GTF2IRD1: variants seen among roughly 807,000 people sequenced by gnomAD.
The protein encoded by GTF2IRD1 is general transcription factor II-I repeat domain-containing protein 1.
In GTF2IRD1, 26 loss-of-function variants were observed where a neutral mutation model predicts 113.2. That is an observed-to-expected ratio of 0.23 (90% CI 0.17 to 0.32). The LOEUF is 0.32. Among genes scored for constraint, GTF2IRD1 ranks in the 10% least tolerant of loss-of-function variants. The pLI is 1.00. For missense variants in GTF2IRD1, 864 were observed against 1,280.8 expected (o/e 0.67, Z 4.97); for synonymous variants, 484 against 529.1 (o/e 0.91, Z 1.17).
At chr7:74,578,987 A>C (rs1801249293) in intron 22 of GTF2IRD1, among the ~76,000 whole-genome samples, 1 of 138,862 alleles carries the variant, frequency 7.2e-6, no homozygotes, top group Non-Finnish European at 1.6e-5. Flanking sequence ...ATCCTGTCTC[A>C]AAAAAAAAAA....
intron 20 of GTF2IRD1, among the ~76,000 whole-genome samples, chr7:74,558,621 TC>T (rs1799760419): frequency 6.6e-6 from 1 of 152,042 alleles, no homozygotes; most frequent in Non-Finnish European, 1.5e-5. Flanking sequence ...CTGCCTTGGT[TC>T]CCCAAAATGC....
chr7:74,601,425 C>T, intron 26 of GTF2IRD1: 1 of 1,471,904 alleles, frequency 6.8e-7, no homozygotes, highest in Non-Finnish European at 9.0e-7. Context: ...GGCAGATGGG[C>T]CGGCTGAGGT....
chr7:74,594,153 C>T (rs1802255909), intron 24 of GTF2IRD1, among the ~76,000 whole-genome samples: 1 of 149,358 alleles, frequency 6.7e-6, no homozygotes. Context: ...GAGCTGAGAC[C>T]ATGCCACAGC....
At chr7:74,598,001 T>C (rs1802525187) in intron 25 of GTF2IRD1, among the ~76,000 whole-genome samples, 1 of 152,138 alleles carries the variant, frequency 6.6e-6, no homozygotes, top group South Asian at 2.1e-4. Flanking sequence ...GCCACCTCCT[T>C]CCATCAAGAG....
At chr7:74,572,583 C>T in intron 22 of GTF2IRD1, 2 of 981,928 alleles carry the variant, frequency 2.0e-6, no homozygotes, top group Non-Finnish European at 2.4e-6. Context: ...CATGATCCTC[C>T]CTTCTGCTGC....
chr7:74,478,806 C>T (rs1286592250), intron 1 of GTF2IRD1, among the ~76,000 whole-genome samples: 19 of 151,428 alleles, frequency 1.3e-4, no homozygotes, highest in African/African-American at 4.6e-4. Flanking sequence ...AGTGCAGTAG[C>T]GTGATCATGG....
intron 1 of GTF2IRD1, among the ~76,000 whole-genome samples, chr7:74,471,699 AAAC>A: frequency 9.7e-6 from 1 of 102,824 alleles, no homozygotes; most frequent in Non-Finnish European, 2.2e-5. Context: ...ACAAAAAAAA[AAAC>A]AAAAAAAACG....
intron 7 of GTF2IRD1, among the ~76,000 whole-genome samples, chr7:74,521,734 C>G (rs1562831309): frequency 6.6e-6 from 1 of 152,088 alleles, no homozygotes; most frequent in Non-Finnish European, 1.5e-5. Context: ...TGCACTCCAG[C>G]CCGGGCAACA....
chr7:74,479,616 C>CA (rs1461186970), intron 1 of GTF2IRD1, among the ~76,000 whole-genome samples: 1 of 152,238 alleles, frequency 6.6e-6, no homozygotes, highest in African/African-American at 2.4e-5. Context: ...AGGGTCCCGG[C>CA]AGCTCAGGTG....
chr7:74,578,548 G>T (rs1801219055), intron 22 of GTF2IRD1, among the ~76,000 whole-genome samples: 1 of 152,198 alleles, frequency 6.6e-6, no homozygotes, highest in South Asian at 2.1e-4. Context: ...ACTTAGCTTT[G>T]GTTGACATAA....
rs376848806 is a variant in GTF2IRD1 at position 74,512,999 on chromosome 7, G to A, written c.265+28G>A. ...GAGTACCCCAGGGCTCCGGAGGGCC[G>A]GGCCCGCCATTTCCCGAGGGCAGGC... On this transcript the variant is annotated intron_variant, in intron 3 of 26. Transcript: ENST00000424337. The surrounding 1 kb of genome is among the most constrained non-coding windows in gnomAD (Gnocchi z 4.4). The A allele has an allele frequency of 2.2e-5, 36 of 1,604,914 alleles. No homozygotes were observed. The highest frequency in any genetic ancestry group is 2.0e-4 in the East Asian group (9 of 44,826).
chr7:74,569,469 G>A (rs1554361929), intron 22 of GTF2IRD1, among the ~76,000 whole-genome samples: 1 of 152,196 alleles, frequency 6.6e-6, no homozygotes, highest in Non-Finnish European at 1.5e-5. Flanking sequence ...GGGTTGTGCA[G>A]TGAGGGGGGG....
chr7:74,504,223 C>T (rs74559348), intron 1 of GTF2IRD1, among the ~76,000 whole-genome samples: 386 of 144,904 alleles, frequency 2.7e-3, no homozygotes, highest in African/African-American at 8.7e-3. Context: ...TGAACAGATG[C>T]GTCTCTCACC....
chr7:74,534,985 C>T (rs1798207872), intron 9 of GTF2IRD1, 128 bp from the exon 10 acceptor site: 1 of 749,620 alleles, frequency 1.3e-6, no homozygotes. Context: ...CTGCCGGATG[C>T]CCAGGTCTGT....
chr7:74,505,299 C>T (rs549160399), intron 1 of GTF2IRD1, among the ~76,000 whole-genome samples: 6 of 152,342 alleles, frequency 3.9e-5, no homozygotes, highest in East Asian at 3.9e-4. Context: ...CATCTTCCCC[C>T]GCTTCTCCTG....
chr7:74,552,798 T>G (rs782624156), intron 17 of GTF2IRD1, among the ~76,000 whole-genome samples: 15 of 152,254 alleles, frequency 9.9e-5, no homozygotes, highest in Non-Finnish European at 1.8e-4. Context: ...GCATTGGTTT[T>G]TTGTTTTTTG....
At chr7:74,496,566 ATG>A (rs1228869811) in intron 1 of GTF2IRD1, among the ~76,000 whole-genome samples, 4 of 74,164 alleles carry the variant, frequency 5.4e-5, no homozygotes, top group East Asian at 9.5e-4. Context: ...GGGGGTGTAC[ATG>A]TGTGGGTGTG....
At chr7:74,544,925 C>T (rs1798838684) in intron 15 of GTF2IRD1, 123 bp downstream of exon 15, 1 of 709,492 alleles carries the variant, frequency 1.4e-6, no homozygotes, top group African/African-American at 1.8e-5. Context: ...TCTCCAGCAC[C>T]CTGGTGTGGG....
chr7:74,512,640 G>A lies in GTF2IRD1; in HGVS notation c.124-190G>A, dbSNP rs1019785477. ...TCCTCCTCCACCCCCCATCGCCAATGCCTGCAGGGCCATTTCATTCAGTCC... is the reference window on the plus strand; with the variant it reads ...TCCTCCTCCACCCCCCATCGCCAATACCTGCAGGGCCATTTCATTCAGTCC... On this transcript the variant is annotated intron_variant, in intron 2 of 26. Coordinates refer to ENST00000424337, the MANE Select transcript of GTF2IRD1 (RefSeq NM_005685.4). The surrounding 1 kb of genome is among the most constrained non-coding windows in gnomAD (Gnocchi z 4.4). Among the ~76,000 whole-genome samples, 3 of 152,212 alleles carry A rather than the reference G, an allele frequency of 2.0e-5. No homozygotes were observed. The highest frequency in any genetic ancestry group is 4.4e-5 in the Non-Finnish European group (3 of 68,040).
Sources: gnomAD v4.1 joint callset for allele counts (sites outside exome capture counted in the v4.1 genomes callset) on GRCh38, gnomAD v4.1.1 for gene constraint, Gnocchi (gnomAD v3.1) non-coding constraint, MANE v1.5 for transcripts, NCBI Gene and HGNC (gene_info 2026-07-23, HGNC 2026-07-21) for gene names.